ZFAT: variants seen among roughly 807,000 people sequenced by gnomAD.
The protein encoded by ZFAT is zinc finger protein ZFAT.
ZFAT carries 64 observed loss-of-function variants against 117.7 expected under a neutral mutation model. That is an observed-to-expected ratio of 0.54 (90% CI 0.44 to 0.67). The LOEUF (loss-of-function observed/expected upper bound fraction) is 0.67, where lower values mean the gene tolerates loss of function less well. Among genes scored for constraint, ZFAT ranks in the 30% least tolerant of loss-of-function variants. The pLI, the probability that ZFAT is intolerant of heterozygous loss-of-function variation, is 0.00. For synonymous variants in ZFAT, 679 were observed against 615.0 expected, an observed-to-expected ratio of 1.10 and a Z score of -1.54; for missense variants, 1,433 against 1,584.5, an observed-to-expected ratio of 0.90 and a Z score of 1.62.
At chr8:134,783,762 A>G in the ZFAT span, 2 of 152,338 alleles carry the variant, frequency 1.3e-5, no homozygotes, top group East Asian at 1.9e-4. Flanking sequence ...AAAGGCAGAT[A>G]GGAAAGAGTT....
At chr8:134,533,069 T>G (rs1244860987) in intron 11 of ZFAT, 97 bp from the exon 12 acceptor site, 7 of 1,497,004 alleles carry the variant, frequency 4.7e-6, no homozygotes, top group Admixed American at 2.0e-5. Flanking sequence ...CCTGAAAGCC[T>G]GAGATGAGCA....
intron 12 of ZFAT, among the ~76,000 whole-genome samples, chr8:134,532,179 A>G (rs1452979576): frequency 1.3e-5 from 2 of 152,252 alleles, no homozygotes; most frequent in African/African-American, 4.8e-5. Context: ...ATTTAAAATG[A>G]AGAGAGGTTT....
intron 11 of ZFAT, among the ~76,000 whole-genome samples, chr8:134,548,312 A>G (rs1337330476): frequency 1.3e-5 from 2 of 152,362 alleles, no homozygotes; most frequent in East Asian, 3.9e-4. Context: ...ATTTGAGCCA[A>G]GACCTGAAGG....
chr8:134,593,100 C>G (rs898983785), intron 7 of ZFAT, among the ~76,000 whole-genome samples: 2 of 152,038 alleles, frequency 1.3e-5, no homozygotes, highest in Non-Finnish European at 2.9e-5. Context: ...CCGGGTCAGG[C>G]GGGCATCCTG....
At chr8:134,799,478 G>A in the ZFAT span, among the ~76,000 whole-genome samples, 2 of 152,154 alleles carry the variant, frequency 1.3e-5, no homozygotes, top group East Asian at 3.8e-4. Context: ...TTTAAGTAAA[G>A]ACATGAAAAT....
intron 3 of ZFAT, among the ~76,000 whole-genome samples, chr8:134,635,925 C>G (rs1224108379): frequency 6.6e-6 from 1 of 152,170 alleles, no homozygotes. Flanking sequence ...TACTCAGGCT[C>G]CATTTAGGGA....
At chr8:134,605,374 G>A (rs944456987) in intron 5 of ZFAT, among the ~76,000 whole-genome samples, 6 of 151,936 alleles carry the variant, frequency 3.9e-5, no homozygotes, top group African/African-American at 1.2e-4. Flanking sequence ...GTGAAACCCC[G>A]TCTCTACTAA....
chr8:134,614,353 A>C (rs1028408645), intron 3 of ZFAT, among the ~76,000 whole-genome samples: 5 of 151,940 alleles, frequency 3.3e-5, no homozygotes, highest in African/African-American at 1.2e-4. Context: ...CTTGGCACAC[A>C]GACATGCATT....
At chr8:134,811,055 G>C in the ZFAT span, among the ~76,000 whole-genome samples, 2 of 152,028 alleles carry the variant, frequency 1.3e-5, no homozygotes, top group East Asian at 1.9e-4. Flanking sequence ...ACAACCGTCA[G>C]TTAATTAATA....
chr8:134,827,864 T>C, the ZFAT span, among the ~76,000 whole-genome samples: 2 of 152,082 alleles, frequency 1.3e-5, no homozygotes, highest in East Asian at 3.9e-4. Context: ...GAAAAGAACA[T>C]TGGGAATAGA....
intron 2 of ZFAT, among the ~76,000 whole-genome samples, chr8:134,651,617 A>G (rs1260726353): frequency 6.6e-6 from 1 of 152,246 alleles, no homozygotes; most frequent in African/African-American, 2.4e-5. Flanking sequence ...AATACGCAGA[A>G]TGCAGCACAA....
intron 11 of ZFAT, among the ~76,000 whole-genome samples, chr8:134,560,210 T>C (rs951843939): frequency 1.3e-5 from 2 of 152,138 alleles, no homozygotes; most frequent in African/African-American, 4.8e-5. Flanking sequence ...TTTCCTCTCA[T>C]GTTCATCTGT....
chr8:134,779,397 C>T, the ZFAT span, among the ~76,000 whole-genome samples: 9 of 151,674 alleles, frequency 5.9e-5, no homozygotes, highest in African/African-American at 1.7e-4. Flanking sequence ...GGGACAGACA[C>T]GCTGAAGATG....
chr8:134,688,599 T>C (rs1279155511), intron 1 of ZFAT, among the ~76,000 whole-genome samples: 1 of 152,118 alleles, frequency 6.6e-6, no homozygotes, highest in African/African-American at 2.4e-5. Context: ...TTCCAGAGTT[T>C]GAGCCACAGC....
At chr8:134,727,085 C>T in the ZFAT span, among the ~76,000 whole-genome samples, 311 of 150,920 alleles carry the variant, frequency 2.1e-3, 2 homozygotes, top group African/African-American at 7.2e-3. Context: ...GGATGACTGA[C>T]GCTAAACAAG....
rs566213653 is a variant in ZFAT, at chr8:134,672,256, T to G, written c.20-14519A>C. ...CTTCACAGAATTGGAAAAAACTACT[T>G]TAAAGTTCATATGGAACCAAAAAAG... On this transcript the variant is annotated intron_variant, in intron 1 of 15. Transcript: ENST00000377838. Among the ~76,000 whole-genome samples, 21 of 152,264 alleles carry G rather than the reference T, an allele frequency of 1.4e-4. No homozygotes were observed. The East Asian group carries it at 4.0e-3, about 29-fold the overall frequency.
At chr8:134,702,050 A>G (rs1460969685) in intron 1 of ZFAT, among the ~76,000 whole-genome samples, 2 of 152,186 alleles carry the variant, frequency 1.3e-5, no homozygotes, top group East Asian at 3.8e-4. Flanking sequence ...TGATCATAGT[A>G]CATTAGCAAA....
chr8:134,673,924 C>T (rs1480313905), intron 1 of ZFAT, among the ~76,000 whole-genome samples: 3 of 152,108 alleles, frequency 2.0e-5, no homozygotes, highest in Admixed American at 2.0e-4. Context: ...ACCAGCCTGG[C>T]CTAATGGTGA....
intron 7 of ZFAT, among the ~76,000 whole-genome samples, chr8:134,592,809 A>G (rs1826616690): frequency 6.6e-6 from 1 of 152,198 alleles, no homozygotes; most frequent in African/African-American, 2.4e-5. Context: ...ACACTTAGAA[A>G]AAGTGTACTT....
Sources: gnomAD v4.1 joint callset for allele counts (sites outside exome capture counted in the v4.1 genomes callset) on GRCh38, gnomAD v4.1.1 for gene constraint, MANE v1.5 for transcripts, NCBI Gene and HGNC (gene_info 2026-07-23, HGNC 2026-07-21) for gene names.